The following CHCT1 variants were observed in gnomAD, a reference collection of about 807,000 sequenced individuals.
The protein encoded by CHCT1 is CHD1 helical C-terminal domain containing 1, also known as CHD1 helical C-terminal domain containing protein 1.
chr17:60,422,447 T>C, the CHCT1 span: 9 of 1,511,110 alleles, frequency 6.0e-6, no homozygotes, highest in East Asian at 2.1e-4. Flanking sequence ...GGCTGGGTTC[T>C]GTGTTGGCGG....
At chr17:60,430,246 G>A in the CHCT1 span, among the ~76,000 whole-genome samples, 2 of 137,570 alleles carry the variant, frequency 1.5e-5, no homozygotes, top group East Asian at 4.5e-4. Flanking sequence ...CTTTTAGCTT[G>A]TTCCTCTATA....
the CHCT1 span, chr17:60,426,107 C>T: frequency 9.2e-6 from 14 of 1,521,566 alleles, no homozygotes; most frequent in Non-Finnish European, 1.2e-5. Context: ...TGGGACTGCC[C>T]ATCTGCCTCT....
At chr17:60,422,643 G>A in the CHCT1 span, 1 of 1,546,836 alleles carries the variant, frequency 6.5e-7, no homozygotes, top group Non-Finnish European at 8.7e-7. Flanking sequence ...CACTAGAGCA[G>A]GTGAAGTGGG....
chr17:60,426,319 A>G, the CHCT1 span: 3 of 1,551,144 alleles, frequency 1.9e-6, no homozygotes, highest in African/African-American at 2.7e-5. Context: ...AAGCCTGGGA[A>G]ATCAAACACT....
chr17:60,425,961 C>T, the CHCT1 span: 1 of 1,365,772 alleles, frequency 7.3e-7, no homozygotes, highest in Non-Finnish European at 1.0e-6. Context: ...AATGGCAGGC[C>T]TCAGACCCAC....
the CHCT1 span, chr17:60,422,004 C>A: frequency 3.2e-6 from 3 of 925,376 alleles, no homozygotes; most frequent in South Asian, 1.5e-4. Context: ...ACACACACAT[C>A]CCACCCAGTA....
At chr17:60,430,277 A>G in the CHCT1 span, among the ~76,000 whole-genome samples, 102 of 151,858 alleles carry the variant, frequency 6.7e-4, no homozygotes, top group Non-Finnish European at 2.9e-4. Context: ...GAAAGTCTTC[A>G]TGGGTTCAAA....
At chr17:60,429,558 G>T in the CHCT1 span, 2 of 1,613,340 alleles carry the variant, frequency 1.2e-6, no homozygotes, top group Non-Finnish European at 1.7e-6. Flanking sequence ...GTCAAGAAAG[G>T]TAATGACCAT....
chr17:60,427,425 C>CT, the CHCT1 span, among the ~76,000 whole-genome samples: 3,824 of 148,860 alleles, frequency 0.026, 183 homozygotes, highest in African/African-American at 0.088. Context: ...TTCAGCTAGT[C>CT]TTTTTTTTTT....
At chr17:60,422,458 T>A in the CHCT1 span, 1 of 1,518,886 alleles carries the variant, frequency 6.6e-7, no homozygotes, top group Non-Finnish European at 8.9e-7. Context: ...GTGTTGGCGG[T>A]TGCCGTGGCT....
chr17:60,431,144 A>G, the CHCT1 span: 5 of 1,401,438 alleles, frequency 3.6e-6, no homozygotes, highest in South Asian at 4.9e-5. Flanking sequence ...ACTATTTGTG[A>G]TGTCATTGGG....
chr17:60,426,051 G>A, the CHCT1 span: 1 of 1,331,754 alleles, frequency 7.5e-7, no homozygotes, highest in Non-Finnish European at 1.0e-6. Flanking sequence ...GAAACACGCA[G>A]CACTGGGCCA....
chr17:60,431,402 A>G, the CHCT1 span: 4 of 628,038 alleles, frequency 6.4e-6, no homozygotes, highest in Non-Finnish European at 1.1e-5. Context: ...TGGGAAATAA[A>G]CATTCTTATG....
chr17:60,421,628 G>C, the CHCT1 span: 1 of 974,378 alleles, frequency 1.0e-6, no homozygotes, highest in Non-Finnish European at 1.2e-6. Context: ...GGACCCCGCC[G>C]TGTGCCGCCC....
At chr17:60,424,388 TA>T in the CHCT1 span, among the ~76,000 whole-genome samples, 1 of 152,208 alleles carries the variant, frequency 6.6e-6, no homozygotes, top group African/African-American at 2.4e-5. Context: ...AGGAGCTGCT[TA>T]AATCTTTTGA....
At chr17:60,424,258 T>C in the CHCT1 span, among the ~76,000 whole-genome samples, 1 of 152,110 alleles carries the variant, frequency 6.6e-6, no homozygotes, top group Non-Finnish European at 1.5e-5. Context: ...GGGACACACA[T>C]TCAAACCATA....
chr17:60,430,646 A>AT, the CHCT1 span, among the ~76,000 whole-genome samples: 1 of 151,938 alleles, frequency 6.6e-6, no homozygotes, highest in Non-Finnish European at 1.5e-5. Context: ...ACACCTGGCT[A>AT]TTTTTTGTAT....
At chr17:60,422,665 G>A in the CHCT1 span, 10 of 1,535,664 alleles carry the variant, frequency 6.5e-6, no homozygotes, top group Non-Finnish European at 8.8e-6. Flanking sequence ...TGTGAGGGAG[G>A]GAGGGAAGGA....
chr17:60,422,799 A>T, the CHCT1 span, among the ~76,000 whole-genome samples: 3 of 152,282 alleles, frequency 2.0e-5, no homozygotes, highest in East Asian at 5.8e-4. Flanking sequence ...TTCATTCAGA[A>T]GTTTATGCAT....
Sources: allele counts gnomAD v4.1 joint callset (sites outside exome capture counted in the v4.1 genomes callset), GRCh38; gene constraint gnomAD v4.1.1; transcripts MANE v1.5; gene names NCBI Gene and HGNC (gene_info 2026-07-23, HGNC 2026-07-21).